Variants in SCN8A observed in about 807,000 individuals in gnomAD.
SCN8A encodes the protein sodium voltage-gated channel alpha subunit 8, also known as sodium channel protein type 8 subunit alpha.
In SCN8A, 30 loss-of-function variants were observed where a neutral mutation model predicts 184.1. The observed-to-expected ratio is 0.16, with a 90% CI of 0.12 to 0.22. The LOEUF (loss-of-function observed/expected upper bound fraction) is 0.22. Among genes scored for constraint, SCN8A ranks in the 10% least tolerant of loss-of-function variants. The probability of loss-of-function intolerance (pLI) is 1.00; values close to 1 mark genes in which losing one functional copy is unlikely to be tolerated. For missense variants in SCN8A, 1,057 were observed against 2,498.9 expected (o/e 0.42, Z 12.30); for synonymous variants, 852 against 907.0 (o/e 0.94, Z 1.09).
At chr12:51,615,368 A>C (rs1939812842) in intron 1 of SCN8A, among the ~76,000 whole-genome samples, 1 of 152,192 alleles carries the variant, frequency 6.6e-6, no homozygotes, top group Admixed American at 6.5e-5. Context: ...TAGCCTGAGC[A>C]ACATGGTAAA....
chr12:51,754,962 C>G (rs1367211383), intron 14 of SCN8A, among the ~76,000 whole-genome samples: 4 of 152,192 alleles, frequency 2.6e-5, no homozygotes, highest in East Asian at 1.9e-4. Flanking sequence ...TGTGAAGTTA[C>G]GCTTTTTCCA....
At position 51,636,324 on chromosome 12, in the gene SCN8A, T is replaced by C. The variant is rs139393856; in HGVS notation, c.-54-26440T>C. Among the ~76,000 whole-genome samples, 1,370 of 152,266 alleles carry C rather than the reference T, an allele frequency of 9.0e-3. 9 individuals are homozygous for C. The highest frequency in any genetic ancestry group is 0.014 in the Non-Finnish European group (939 of 68,032). On this transcript the variant is annotated intron_variant, in intron 1 of 26. Coordinates refer to ENST00000627620, the MANE Select transcript of SCN8A (RefSeq NM_001330260.2). ...TATTTGTTTTTTAATAATACAATCTTTATAGAATGCCTCAACTCATTATGT... is the reference window on the plus strand; with the variant it reads ...TATTTGTTTTTTAATAATACAATCTCTATAGAATGCCTCAACTCATTATGT...
intron 26 of SCN8A, among the ~76,000 whole-genome samples, chr12:51,796,652 C>T (rs946768698): frequency 6.6e-6 from 1 of 152,118 alleles, no homozygotes; most frequent in Non-Finnish European, 1.5e-5. Context: ...TGAAGTCCCA[C>T]GATAGGCCAT....
intron 1 of SCN8A, among the ~76,000 whole-genome samples, chr12:51,631,275 A>G (rs1940190961): frequency 6.6e-6 from 1 of 152,220 alleles, no homozygotes; most frequent in Admixed American, 6.5e-5. Flanking sequence ...GCAGGTGGTC[A>G]AAACCAATGG....
At chr12:51,647,485 G>A (rs114259768) in intron 1 of SCN8A, among the ~76,000 whole-genome samples, 1,661 of 152,276 alleles carry the variant, frequency 0.011, 42 homozygotes, top group African/African-American at 0.038. Flanking sequence ...CTCACTAGGT[G>A]GAAATCCAGG....
chr12:51,606,631 G>A lies in SCN8A; in HGVS notation c.-55+15272G>A, dbSNP rs1283249149. 2.0e-5 allele frequency among the ~76,000 whole-genome samples: 3 copies of A among 152,056 alleles called. No homozygotes were observed. In the East Asian group the frequency reaches 5.8e-4, roughly 29 times the overall value. ...TTTTCTAATTCCGAGAAGAGTGATGGTGGCATTTTTGTGGGGATTGCATTG... is the reference window on the plus strand; with the variant it reads ...TTTTCTAATTCCGAGAAGAGTGATGATGGCATTTTTGTGGGGATTGCATTG... On this transcript the variant is annotated intron_variant, in intron 1 of 26. Coordinates refer to ENST00000627620, the MANE Select transcript of SCN8A (RefSeq NM_001330260.2).
At position 51,684,062 on chromosome 12, in the gene SCN8A, TA is replaced by T. The variant is rs1941379027; in HGVS notation, c.277-107del. The T allele has an allele frequency of 4.2e-5, 30 of 709,346 alleles. No individual in the cohort carries two copies. The South Asian group carries it at 4.6e-4, about 11-fold the overall frequency. 43.9% of individuals were successfully genotyped at this position (709,346 alleles called of 1,614,324 possible). The stretch of plus-strand genomic sequence containing the variant: ...CTTGTTTAAAAACCAAGTTGGGAAG[TA>T]AAAAGTATTAAAGACTTTTGAGTTT... On this transcript the variant is annotated intron_variant, in intron 2 of 26. Transcript: ENST00000627620.
rs144302657 is a variant in SCN8A, at chr12:51,596,469, T to A, written c.-55+5110T>A. ...GGTTGGTCGACTCATGTTTAGTGACTTCTTTCTGTTAAATGGTGTTATATT... is the reference window on the plus strand; with the variant it reads ...GGTTGGTCGACTCATGTTTAGTGACATCTTTCTGTTAAATGGTGTTATATT... On this transcript the variant is annotated intron_variant, in intron 1 of 26. Coordinates refer to ENST00000627620, the MANE Select transcript of SCN8A (RefSeq NM_001330260.2). Among the ~76,000 whole-genome samples the A allele has an allele frequency of 3.9e-3, 592 of 152,332 alleles. 9 individuals are homozygous for A. Among genetic ancestry groups the A allele is most frequent in the East Asian group, 0.012 (64 of 5,192 alleles).
At chr12:51,694,545 G>A (rs993309295) in intron 6 of SCN8A, among the ~76,000 whole-genome samples, 1 of 152,180 alleles carries the variant, frequency 6.6e-6, no homozygotes, top group East Asian at 1.9e-4. Context: ...ACGTACCAAA[G>A]CGAGCTAATG....
At chr12:51,701,075 C>A in intron 7 of SCN8A, 69 bp from the exon 8 acceptor site, 1 of 1,032,570 alleles carries the variant, frequency 9.7e-7, no homozygotes, top group Non-Finnish European at 1.5e-6. Flanking sequence ...TAGTTAGGAA[C>A]AGTGTAACCT....
At chr12:51,730,271 A>G (rs1199162356) in intron 12 of SCN8A, among the ~76,000 whole-genome samples, 1 of 152,206 alleles carries the variant, frequency 6.6e-6, no homozygotes, top group Non-Finnish European at 1.5e-5. Flanking sequence ...TGTTAGCACC[A>G]TTTGTTCAAG....
intron 26 of SCN8A, among the ~76,000 whole-genome samples, chr12:51,797,027 T>C (rs1239122446): frequency 6.6e-6 from 1 of 152,166 alleles, no homozygotes; most frequent in Non-Finnish European, 1.5e-5. Context: ...GCAATTACTT[T>C]TGCACCAGCC....
chr12:51,778,278 TTTTA>T (rs201643266), intron 20 of SCN8A, among the ~76,000 whole-genome samples: 2 of 151,922 alleles, frequency 1.3e-5, no homozygotes, highest in East Asian at 1.9e-4. Context: ...TCCCTTTTTA[TTTTA>T]TTTATTTATT....
chr12:51,643,411 A>G (rs1199916719), intron 1 of SCN8A, among the ~76,000 whole-genome samples: 1 of 152,210 alleles, frequency 6.6e-6, no homozygotes, highest in African/African-American at 2.4e-5. Flanking sequence ...GTGCCTGTAT[A>G]TATTATTATA....
chr12:51,664,284 T>G (rs1225291815), intron 2 of SCN8A, among the ~76,000 whole-genome samples: 2 of 151,892 alleles, frequency 1.3e-5, no homozygotes, highest in African/African-American at 4.8e-5. Context: ...CTCAGCTCAC[T>G]GCGACCTCTG....
chr12:51,705,349 C>T (rs1034307377), intron 9 of SCN8A, 68 bp from the exon 10 acceptor site: 11 of 1,459,868 alleles, frequency 7.5e-6, no homozygotes, highest in Non-Finnish European at 1.0e-5. Context: ...AGGAACTTGG[C>T]CCATTAGCTG....
Position 51,807,883 on chromosome 12 carries a change from A to G in SCN8A, c.*454A>G, listed in dbSNP as rs1353913830. The G allele has an allele frequency of 5.1e-6, 1 of 195,932 alleles. No individual in the cohort carries two copies. The highest frequency in any genetic ancestry group is 1.1e-5 in the Non-Finnish European group (1 of 94,850). The allele number at this position is 195,932 out of a possible 1,614,324, so 12.1% of individuals were successfully genotyped here. A position where few individuals can be genotyped will look rare whatever the true frequency, so the allele number is the denominator to read the frequency against. ...ATTAGTTAAGCTAAGCAGCAAAAAGAAAACACACACACACACTCACATTTA... is the reference window on the plus strand; with the variant it reads ...ATTAGTTAAGCTAAGCAGCAAAAAGGAAACACACACACACACTCACATTTA... On this transcript the variant is annotated 3_prime_UTR_variant, in exon 27 of 27. Coordinates refer to ENST00000627620, the MANE Select transcript of SCN8A (RefSeq NM_001330260.2). The surrounding 1 kb of genome is among the most constrained non-coding windows in gnomAD (Gnocchi z 4.5).
intron 1 of SCN8A, among the ~76,000 whole-genome samples, chr12:51,618,458 A>AACACACACACACACACAC (rs56163627): frequency 7.2e-6 from 1 of 138,844 alleles, no homozygotes; most frequent in African/African-American, 2.8e-5. Context: ...ATACCAGAGC[A>AACACACACACACACACAC]ACACACACAC....
At position 51,807,424 on chromosome 12, in the gene SCN8A, T is replaced by A. The variant is rs1322359113; in HGVS notation, c.5938T>A (p.Cys1980Ser). The A allele has an allele frequency of 1.9e-6, 3 of 1,607,140 alleles. No individual in the cohort carries two copies. The highest frequency in any genetic ancestry group is 2.5e-6 in the Non-Finnish European group (3 of 1,176,502). The part of the protein sequence containing the change: ...KRQKEVRESK[C>S] ...ACAAAAAGAGGTCAGAGAATCCAAG[T>A]GTTAGAGGAGAACAAAAATTCAGTA... Residue 1980 changes from cysteine to serine, a missense_variant, in exon 27 of 27, where the codon TGT becomes AGT. By Grantham distance (112) the Cys-to-Ser change is moderately radical. This residue lies in a region of SCN8A where 95 missense variants were observed against 140.2 expected (regional missense o/e 0.68). Transcript: ENST00000627620. The surrounding 1 kb of genome is among the most constrained non-coding windows in gnomAD (Gnocchi z 4.5).
Sources: gnomAD v4.1 joint callset for allele counts (sites outside exome capture counted in the v4.1 genomes callset) on GRCh38, gnomAD v4.1.1 for gene constraint, gnomAD v4.1.1 regional missense constraint, Gnocchi (gnomAD v3.1) non-coding constraint, MANE v1.5 for transcripts, NCBI Gene and HGNC (gene_info 2026-07-23, HGNC 2026-07-21) for gene names.